Variants in JARID2 observed in about 807,000 individuals in gnomAD.
JARID2 encodes the protein protein Jumonji.
In JARID2, 21 loss-of-function variants were observed where a neutral mutation model predicts 125.6. The observed-to-expected ratio is 0.17, with a 90% CI of 0.12 to 0.24. JARID2 has a LOEUF of 0.24. JARID2 is among the 10% of genes least tolerant of loss of function. The probability of loss-of-function intolerance (pLI) is 1.00; values close to 1 mark genes in which losing one functional copy is unlikely to be tolerated. For missense variants in JARID2, 1,303 were observed against 1,639.6 expected, an observed-to-expected ratio of 0.79 and a Z score of 3.55; for synonymous variants, 736 against 661.6, an observed-to-expected ratio of 1.11 and a Z score of -1.73.
intron 1 of JARID2, among the ~76,000 whole-genome samples, chr6:15,286,572 T>G (rs1480700065): frequency 6.6e-6 from 1 of 151,302 alleles, no homozygotes; most frequent in Non-Finnish European, 1.5e-5. Flanking sequence ...TCGATTGAAA[T>G]TTTGCTGGCA....
intron 4 of JARID2, among the ~76,000 whole-genome samples, chr6:15,456,717 C>T (rs771359227): frequency 2.6e-4 from 39 of 151,914 alleles, no homozygotes; most frequent in Non-Finnish European, 5.3e-4. Flanking sequence ...TAGATAGCAT[C>T]TTTTCTATCT....
At chr6:15,404,372 AT>A (rs936728240) in intron 2 of JARID2, among the ~76,000 whole-genome samples, 4 of 150,718 alleles carry the variant, frequency 2.7e-5, no homozygotes, top group African/African-American at 9.8e-5. Flanking sequence ...AAAGCAATTC[AT>A]TTTTTTTTCT....
At chr6:15,247,437 T>A (rs1331059318) in intron 1 of JARID2, 2 of 976,126 alleles carry the variant, frequency 2.0e-6, no homozygotes, top group Non-Finnish European at 2.4e-6. Context: ...TTTTTTTTTT[T>A]AAGTTTGAGG....
At chr6:15,262,432 TC>T (rs889489346) in intron 1 of JARID2, among the ~76,000 whole-genome samples, 1 of 152,122 alleles carries the variant, frequency 6.6e-6, no homozygotes, top group Non-Finnish European at 1.5e-5. Context: ...AGTACTTCAT[TC>T]CTTTTTGTGG....
At chr6:15,321,984 G>A (rs955263400) in intron 1 of JARID2, among the ~76,000 whole-genome samples, 10 of 151,806 alleles carry the variant, frequency 6.6e-5, no homozygotes, top group Middle Eastern at 3.4e-3. Context: ...CTAGAGACGG[G>A]GTTTCACCAT....
At chr6:15,284,391 T>C (rs1760912533) in intron 1 of JARID2, among the ~76,000 whole-genome samples, 2 of 152,188 alleles carry the variant, frequency 1.3e-5, no homozygotes, top group African/African-American at 2.4e-5. Context: ...CTGTGTTAAA[T>C]AATGTTTTCA....
At chr6:15,415,838 C>T (rs1452711145) in intron 3 of JARID2, among the ~76,000 whole-genome samples, 1 of 148,872 alleles carries the variant, frequency 6.7e-6, no homozygotes, top group Non-Finnish European at 1.5e-5. Flanking sequence ...CCCCACCTCC[C>T]TCCCGGACGG....
intron 1 of JARID2, among the ~76,000 whole-genome samples, chr6:15,294,413 C>T (rs923052587): frequency 6.6e-6 from 1 of 152,132 alleles, no homozygotes; most frequent in South Asian, 2.1e-4. Context: ...AGGATGGTCT[C>T]GATCTCCTGG....
At chr6:15,251,377 C>G (rs114209067) in intron 1 of JARID2, among the ~76,000 whole-genome samples, 9 of 152,198 alleles carry the variant, frequency 5.9e-5, no homozygotes, top group African/African-American at 2.2e-4. Flanking sequence ...ACTCACACTC[C>G]TGACATTGTC....
intron 5 of JARID2, among the ~76,000 whole-genome samples, chr6:15,469,584 G>A (rs1008212652): frequency 4.7e-5 from 7 of 150,220 alleles, no homozygotes; most frequent in Non-Finnish European, 7.4e-5. Context: ...AGGCCCCCAC[G>A]TATTACAGAC....
chr6:15,481,513 CA>C (rs1769615293), intron 5 of JARID2, among the ~76,000 whole-genome samples: 1 of 152,016 alleles, frequency 6.6e-6, no homozygotes, highest in Non-Finnish European at 1.5e-5. Context: ...CAAATTAAGA[CA>C]AAAGATAATT....
chr6:15,419,141 C>T (rs1486698909), intron 3 of JARID2, among the ~76,000 whole-genome samples: 1 of 152,166 alleles, frequency 6.6e-6, no homozygotes, highest in Non-Finnish European at 1.5e-5. Context: ...GCAAAACAAT[C>T]AGCAAAAGGC....
intron 3 of JARID2, among the ~76,000 whole-genome samples, chr6:15,450,658 A>G (rs561341685): frequency 1.3e-5 from 2 of 152,278 alleles, no homozygotes; most frequent in South Asian, 4.1e-4. Context: ...CTAGGTGAAC[A>G]GTTTAAAGTA....
intron 3 of JARID2, among the ~76,000 whole-genome samples, chr6:15,440,369 G>A (rs997063478): frequency 6.6e-6 from 1 of 152,172 alleles, no homozygotes; most frequent in South Asian, 2.1e-4. Context: ...GATTGTAATC[G>A]AGGTAGAATA....
intron 12 of JARID2, among the ~76,000 whole-genome samples, chr6:15,510,619 T>C (rs1771231058): frequency 6.6e-6 from 1 of 152,200 alleles, no homozygotes; most frequent in African/African-American, 2.4e-5. Context: ...TCCTCCTGTG[T>C]GTCTTGCTGT....
rs541661925 is a variant in JARID2 at position 15,462,686 on chromosome 6, T to C, written c.494-5856T>C. Among the ~76,000 whole-genome samples the C allele has an allele frequency of 2.6e-5, 4 of 152,374 alleles. No individual in the cohort carries two copies. The South Asian group carries it at 8.3e-4, about 32-fold the overall frequency. On this transcript the variant is annotated intron_variant, in intron 4 of 17. Transcript: ENST00000341776. ...ATTGGGTCAAGCAATAGAATTTGACTCTGCAGCTAAATGACAGTGCACAGG... is the reference window on the plus strand; with the variant it reads ...ATTGGGTCAAGCAATAGAATTTGACCCTGCAGCTAAATGACAGTGCACAGG...
In JARID2 at chr6:15,269,691, G is replaced by GCT. The variant is rs753022055; in HGVS notation, c.45+23108_45+23109insTC. ...CAAAGTGATGGGATTACAGGTGTGA[G>GCT]CCACCTTGCCTGGCCCAGTTTCTTT... On this transcript the variant is annotated intron_variant, in intron 1 of 17. Transcript: ENST00000341776. 6.6e-5 allele frequency among the ~76,000 whole-genome samples: 10 copies of GCT among 152,008 alleles called. No individual in the cohort carries two copies. In the South Asian group the frequency reaches 1.2e-3, roughly 19 times the overall value.
chr6:15,323,805 T>A, intron 1 of JARID2, among the ~76,000 whole-genome samples: 1 of 151,664 alleles, frequency 6.6e-6, no homozygotes, highest in Non-Finnish European at 1.5e-5. Flanking sequence ...CACGTGAGAA[T>A]CACTTGAGCC....
At chr6:15,463,630 C>A (rs1768569230) in intron 4 of JARID2, among the ~76,000 whole-genome samples, 1 of 152,018 alleles carries the variant, frequency 6.6e-6, no homozygotes, top group Non-Finnish European at 1.5e-5. Flanking sequence ...TGGAGTTTCG[C>A]CACGTGGGCC....
Sources: allele counts gnomAD v4.1 joint callset (sites outside exome capture counted in the v4.1 genomes callset), GRCh38; gene constraint gnomAD v4.1.1; transcripts MANE v1.5; gene names NCBI Gene and HGNC (gene_info 2026-07-23, HGNC 2026-07-21).